Variants in GLIS3 observed in about 807,000 individuals in gnomAD.
The protein encoded by GLIS3 is zinc finger protein GLIS3.
Under a neutral mutation model 78.6 loss-of-function variants are expected in GLIS3, and 53 were observed. The observed-to-expected ratio is 0.67, with a 90% CI of 0.54 to 0.85. The LOEUF (loss-of-function observed/expected upper bound fraction) is 0.85. Ranked by LOEUF, GLIS3 falls within the 40% of genes least tolerant of loss-of-function variation. The pLI, the probability that GLIS3 is intolerant of heterozygous loss-of-function variation, is 0.00. For synonymous variants in GLIS3, 684 were observed against 509.9 expected (o/e 1.34, Z -4.60); for missense variants, 1,703 against 1,231.1 (o/e 1.38, Z -5.74).
the GLIS3 span, among the ~76,000 whole-genome samples, chr9:4,353,554 A>C: frequency 0.017 from 2,646 of 152,196 alleles, 88 homozygotes; most frequent in African/African-American, 0.06. Context: ...TTGTGTGTTG[A>C]CAGCAAAACT....
At chr9:4,431,450 T>A in the GLIS3 span, among the ~76,000 whole-genome samples, 2 of 147,692 alleles carry the variant, frequency 1.4e-5, no homozygotes, top group Admixed American at 1.3e-4. Flanking sequence ...TTGGGGAAGA[T>A]GAGGAGTTTT....
At chr9:4,087,307 G>A (rs929829056) in intron 4 of GLIS3, among the ~76,000 whole-genome samples, 12 of 152,092 alleles carry the variant, frequency 7.9e-5, no homozygotes, top group Admixed American at 2.0e-4. Flanking sequence ...TCCACTTGCG[G>A]CAAAACATAC....
In GLIS3 at chr9:3,855,902, C is replaced by T. The variant is rs1377506866; in HGVS notation, c.2473+107G>A. The stretch of plus-strand genomic sequence containing the variant: ...TAGAGGCAAGTCATGAAAGCCTAAG[C>T]CTGGTGTAGAACAGAGCATCTGAAA... On this transcript the variant is annotated intron_variant, in intron 9 of 10. Coordinates refer to ENST00000381971, the MANE Select transcript of GLIS3 (RefSeq NM_001042413.2). 3 of 1,212,608 alleles carry T rather than the reference C, an allele frequency of 2.5e-6. No individual in the cohort carries two copies. In the African/African-American group the frequency reaches 4.5e-5, roughly 18 times the overall value. The allele number at this position is 1,212,608 out of a possible 1,614,324, so 75.1% of individuals were successfully genotyped here.
intron 4 of GLIS3, among the ~76,000 whole-genome samples, chr9:4,040,661 C>CA (rs1327237586): frequency 1.3e-5 from 2 of 152,104 alleles, no homozygotes; most frequent in Non-Finnish European, 2.9e-5. Flanking sequence ...ACGATAAAGA[C>CA]AGAGTTTCTT....
At chr9:3,882,632 C>T (rs1821809560) in intron 7 of GLIS3, among the ~76,000 whole-genome samples, 1 of 152,158 alleles carries the variant, frequency 6.6e-6, no homozygotes, top group African/African-American at 2.4e-5. Flanking sequence ...CCCACGTCAA[C>T]TGGTGTTGAC....
chr9:4,231,532 G>A (rs1822254176), intron 2 of GLIS3, among the ~76,000 whole-genome samples: 2 of 152,122 alleles, frequency 1.3e-5, no homozygotes, highest in Admixed American at 6.6e-5. Flanking sequence ...GAAAGCATGA[G>A]CAGGAGAAAG....
At chr9:4,215,664 A>G (rs1466736662) in intron 2 of GLIS3, among the ~76,000 whole-genome samples, 6 of 152,214 alleles carry the variant, frequency 3.9e-5, no homozygotes, top group African/African-American at 9.7e-5. Context: ...GAATGTTCCC[A>G]TCATCAGCTT....
the GLIS3 span, among the ~76,000 whole-genome samples, chr9:4,366,700 T>G: frequency 6.6e-6 from 1 of 152,252 alleles, no homozygotes; most frequent in Non-Finnish European, 1.5e-5. Context: ...GTCTTTGTTC[T>G]GAGCTGGCTG....
chr9:4,335,408 A>G (rs932885465), intron 2 of GLIS3, among the ~76,000 whole-genome samples: 1 of 152,236 alleles, frequency 6.6e-6, no homozygotes, highest in Admixed American at 6.5e-5. Context: ...AGTTGCTCGT[A>G]AACTTGCCAG....
the GLIS3 span, among the ~76,000 whole-genome samples, chr9:4,420,093 C>A: frequency 3.2e-4 from 48 of 152,310 alleles, no homozygotes; most frequent in African/African-American, 9.6e-4. Context: ...GTGGTGCTCA[C>A]TCCTGGAGAG....
chr9:4,450,886 T>G, the GLIS3 span, among the ~76,000 whole-genome samples: 1 of 152,280 alleles, frequency 6.6e-6, no homozygotes. Context: ...TACCAGACAC[T>G]GCAAAAACGT....
chr9:4,220,402 A>G (rs1176280947), intron 2 of GLIS3, among the ~76,000 whole-genome samples: 1 of 152,230 alleles, frequency 6.6e-6, no homozygotes, highest in Non-Finnish European at 1.5e-5. Context: ...TTATTAATTA[A>G]CTTCACAGTA....
intron 4 of GLIS3, among the ~76,000 whole-genome samples, chr9:3,960,265 C>T (rs1817459788): frequency 6.6e-6 from 1 of 152,164 alleles, no homozygotes; most frequent in Admixed American, 6.5e-5. Flanking sequence ...GCCTGGGGAG[C>T]AGATCCTCTT....
At chr9:3,876,286 G>A (rs1156416651) in intron 8 of GLIS3, among the ~76,000 whole-genome samples, 2 of 148,128 alleles carry the variant, frequency 1.4e-5, no homozygotes, top group East Asian at 4.1e-4. Context: ...ATAAAAAGCT[G>A]GAGAACTTCA....
At chr9:3,838,500 T>C (rs149435340) in intron 9 of GLIS3, among the ~76,000 whole-genome samples, 4 of 152,266 alleles carry the variant, frequency 2.6e-5, no homozygotes, top group Non-Finnish European at 5.9e-5. Context: ...TTCTGCTTCC[T>C]GGTGAATGGA....
the GLIS3 span, among the ~76,000 whole-genome samples, chr9:4,416,612 G>C: frequency 6.6e-6 from 1 of 151,836 alleles, no homozygotes; most frequent in Non-Finnish European, 1.5e-5. Flanking sequence ...TGTACTTTCA[G>C]TGTTACAAAG....
At chr9:4,269,154 T>C (rs1050385896) in intron 2 of GLIS3, among the ~76,000 whole-genome samples, 17 of 152,204 alleles carry the variant, frequency 1.1e-4, no homozygotes, top group Admixed American at 1.0e-3. Context: ...ATGTGAAACA[T>C]GTTAAAATGT....
At chr9:4,090,726 A>C (rs1417965408) in intron 4 of GLIS3, among the ~76,000 whole-genome samples, 4 of 152,196 alleles carry the variant, frequency 2.6e-5, no homozygotes, top group Non-Finnish European at 5.9e-5. Flanking sequence ...GCTCCCTCAT[A>C]AGGCCCAGGG....
chr9:4,265,148 G>A (rs72690058), intron 2 of GLIS3, among the ~76,000 whole-genome samples: 31,610 of 148,504 alleles, frequency 0.21, 3,577 homozygotes, highest in Admixed American at 0.26. Context: ...CTCCAAACTG[G>A]GCAACAGAGT....
Sources: gnomAD v4.1 joint callset for allele counts (sites outside exome capture counted in the v4.1 genomes callset) on GRCh38, gnomAD v4.1.1 for gene constraint, MANE v1.5 for transcripts, NCBI Gene and HGNC (gene_info 2026-07-23, HGNC 2026-07-21) for gene names.